The following PXDN variants were observed in gnomAD, a reference collection of about 807,000 sequenced individuals.
PXDN encodes peroxidasin.
PXDN carries 77 observed loss-of-function variants against 140.3 expected under a neutral mutation model. That is an observed-to-expected ratio of 0.55 (90% confidence interval 0.46 to 0.66). The LOEUF is 0.66. Ranked by LOEUF, PXDN falls within the 30% of genes least tolerant of loss-of-function variation. The probability of loss-of-function intolerance (pLI) is 0.00; values close to 1 mark genes in which losing one functional copy is unlikely to be tolerated. For synonymous variants in PXDN, 911 were observed against 857.4 expected, an observed-to-expected ratio of 1.06 and a Z score of -1.09; for missense variants, 1,838 against 2,039.5, an observed-to-expected ratio of 0.90 and a Z score of 1.90.
At chr2:1,720,916 C>G (rs1685035308) in intron 1 of PXDN, among the ~76,000 whole-genome samples, 1 of 152,112 alleles carries the variant, frequency 6.6e-6, no homozygotes, top group Non-Finnish European at 1.5e-5. Context: ...ACTGATGCTA[C>G]AGCCCCGGGG....
At chr2:1,725,955 T>C (rs1008071001) in intron 1 of PXDN, among the ~76,000 whole-genome samples, 43 of 149,592 alleles carry the variant, frequency 2.9e-4, no homozygotes, top group African/African-American at 1.0e-3. Flanking sequence ...TGTGGAGAAA[T>C]AGGAACACTT....
At chr2:1,653,478 G>A (rs1683060102) in intron 16 of PXDN, 150 bp downstream of exon 16, 1 of 1,183,998 alleles carries the variant, frequency 8.4e-7, no homozygotes, top group Non-Finnish European at 1.2e-6. Flanking sequence ...GGCTCAAGAG[G>A]AATCACAGTT....
rs1683852321 is a variant in PXDN at position 1,680,070 on chromosome 2, GGTGTGTGTGTAAATGT to G, written c.730+107_730+122del. 7 of 1,238,238 alleles carry G rather than the reference GGTGTGTGTGTAAATGT, an allele frequency of 5.7e-6. No homozygotes were observed. In the South Asian group the frequency reaches 6.0e-5, roughly 11 times the overall value. The allele number at this position is 1,238,238 out of a possible 1,614,324, so 76.7% of individuals were successfully genotyped here. A position where few individuals can be genotyped will look rare whatever the true frequency, so the allele number is the denominator to read the frequency against. ...TGTGTCTGCGCGTGTGTCTATAAAT[GGTGTGTGTGTAAATGT>G]GTGTGTGTGGTGTGTGGATGTTGTG... On this transcript the variant is annotated intron_variant, in intron 7 of 22. Transcript: ENST00000252804.
At chr2:1,724,597 G>A (rs1421017818) in intron 1 of PXDN, among the ~76,000 whole-genome samples, 1 of 152,066 alleles carries the variant, frequency 6.6e-6, no homozygotes, top group Non-Finnish European at 1.5e-5. Flanking sequence ...TCAACAGACT[G>A]CTCTCCTACA....
rs1333892449 is a variant in PXDN, at chr2:1,714,020, T to C, written c.201-20886A>G. Among the ~76,000 whole-genome samples, 2 of 152,200 alleles carry C rather than the reference T, an allele frequency of 1.3e-5. No homozygotes were observed. The highest frequency in any genetic ancestry group is 2.1e-4 in the South Asian group (1 of 4,834). On this transcript the variant is annotated intron_variant, in intron 1 of 22. Transcript: ENST00000252804. The surrounding 1 kb of genome is among the most constrained non-coding windows in gnomAD (Gnocchi z 4.3). ...TGAAGTTTCATGTCACCCTGAAACA[T>C]GGCCCAGCCTGGGCAACCTACGATA... is the stretch of plus-strand genomic sequence containing the variant.
chr2:1,686,792 C>A (rs919993229), intron 4 of PXDN, among the ~76,000 whole-genome samples: 2 of 152,326 alleles, frequency 1.3e-5, no homozygotes, highest in East Asian at 3.9e-4. Flanking sequence ...CCCCCTGCAC[C>A]GCTTGGCCTC....
At chr2:1,655,937 A>G (rs1374534378) in intron 14 of PXDN, among the ~76,000 whole-genome samples, 1 of 148,826 alleles carries the variant, frequency 6.7e-6, no homozygotes, top group Non-Finnish European at 1.5e-5. Flanking sequence ...TACACACCAC[A>G]CAAATACAAC....
rs1553371240 is a variant in PXDN, at chr2:1,731,152, G to GCGCACACA, written c.200+13103_200+13104insTGTGTGCG. On this transcript the variant is annotated intron_variant, in intron 1 of 22. Transcript: ENST00000252804. The stretch of plus-strand genomic sequence containing the variant: ...ACAGAACACTGTTGAGAGCGCGCGC[G>GCGCACACA]CACACACACACACACACACACACAC... Among the ~76,000 whole-genome samples, 260 of 136,048 alleles carry GCGCACACA rather than the reference G, an allele frequency of 1.9e-3. 2 individuals carry two copies. Among genetic ancestry groups the GCGCACACA allele is most frequent in the African/African-American group, 6.9e-3 (252 of 36,260 alleles). The allele number at this position is 136,048 out of a possible 152,430, so 89.3% of individuals were successfully genotyped here. A position where few individuals can be genotyped will look rare whatever the true frequency, so the allele number is the denominator to read the frequency against.
At position 1,638,990 on chromosome 2, in the gene PXDN, G is replaced by C. The variant is rs1682645165; in HGVS notation, c.4074-12C>G. ...CCTGTCTCCCAACACTGTGGTGAGG[G>C]GAAAGGAGGAGGAGGGAAATATAAC... On this transcript the variant is annotated splice_polypyrimidine_tract_variant and intron_variant, in intron 20 of 22. Transcript: ENST00000252804. 6.2e-7 allele frequency: 1 copy of C among 1,613,214 alleles called. No homozygotes were observed. Among genetic ancestry groups the C allele is most frequent in the Non-Finnish European group, 8.5e-7 (1 of 1,179,328 alleles).
chr2:1,681,155 AG>A (rs940199592), intron 6 of PXDN, among the ~76,000 whole-genome samples: 10 of 151,952 alleles, frequency 6.6e-5, no homozygotes, highest in African/African-American at 2.2e-4. Context: ...GTGCACTGGG[AG>A]GGGTGCACAC....
chr2:1,730,395 C>T (rs967331077), intron 1 of PXDN, among the ~76,000 whole-genome samples: 1 of 152,188 alleles, frequency 6.6e-6, no homozygotes, highest in Non-Finnish European at 1.5e-5. Flanking sequence ...AACTCCACAC[C>T]TACAAGAGGT....
chr2:1,643,656 C>T, intron 18 of PXDN, 80 bp from the exon 19 acceptor site: 3 of 1,466,630 alleles, frequency 2.0e-6, no homozygotes, highest in Non-Finnish European at 2.8e-6. Flanking sequence ...AAAATCTCCC[C>T]TGCTTAGTTC....
chr2:1,634,217 T>C lies in PXDN; in HGVS notation c.4427A>G (p.Glu1476Gly). Residue 1476 changes from glutamate (E) to glycine (G), a missense_variant, in exon 23 of 23, where the codon GAG becomes GGG. Transcript: ENST00000252804. ...CCTCCCAGGAGCCTAGGGCTTTTCC[T>C]CCGCCCTCTTCTGTAAGCAGACTGG... is the stretch of plus-strand genomic sequence containing the variant. The part of the protein sequence containing the change: ...CCPVCLQKRA[E>G]EKP The C allele has an allele frequency of 6.3e-7, 1 of 1,589,318 alleles. No individual in the cohort carries two copies. Among genetic ancestry groups the C allele is most frequent in the Non-Finnish European group, 8.6e-7 (1 of 1,167,610 alleles).
Position 1,649,796 on chromosome 2 carries a change from T to G in PXDN, c.2105-121A>C. On this transcript the variant is annotated intron_variant, in intron 16 of 22. Coordinates refer to ENST00000252804, the MANE Select transcript of PXDN (RefSeq NM_012293.3). The surrounding 1 kb of genome is among the most constrained non-coding windows in gnomAD (Gnocchi z 7.1). Reference sequence around the variant, plus strand: ...TCTACCCCCAGCTCATGAAACCTGTTGTGCGCCATGCAACAAGCGCTTCCT... The same window carrying G: ...TCTACCCCCAGCTCATGAAACCTGTGGTGCGCCATGCAACAAGCGCTTCCT... The G allele has an allele frequency of 8.6e-7, 1 of 1,163,634 alleles. No individual in the cohort carries two copies. 72.1% of individuals were successfully genotyped at this position (1,163,634 alleles called of 1,614,324 possible). A position where few individuals can be genotyped will look rare whatever the true frequency, so the allele number is the denominator to read the frequency against.
At chr2:1,704,539 G>A in intron 1 of PXDN, among the ~76,000 whole-genome samples, 1 of 107,300 alleles carries the variant, frequency 9.3e-6, no homozygotes, top group Admixed American at 1.0e-4. Context: ...TCCAGGTGAA[G>A]GGGGGCAACT....
Position 1,657,027 on chromosome 2 carries a change from C to G in PXDN, c.1838-2519G>C, listed in dbSNP as rs560515355. 2.0e-5 allele frequency among the ~76,000 whole-genome samples: 3 copies of G among 149,882 alleles called. No individual in the cohort carries two copies. The South Asian group carries it at 6.5e-4, about 32-fold the overall frequency. ...GCCCTCTCCTGACTAAAACCTACCCCCTGCTGACAGGGACTGACCTTGCCC... is the reference window on the plus strand; with the variant it reads ...GCCCTCTCCTGACTAAAACCTACCCGCTGCTGACAGGGACTGACCTTGCCC... On this transcript the variant is annotated intron_variant, in intron 14 of 22. Coordinates refer to ENST00000252804, the MANE Select transcript of PXDN (RefSeq NM_012293.3).
At chr2:1,741,115 G>A (rs1481970832) in intron 1 of PXDN, among the ~76,000 whole-genome samples, 3 of 152,178 alleles carry the variant, frequency 2.0e-5, no homozygotes, top group East Asian at 1.9e-4. Flanking sequence ...GGAGGAGGGC[G>A]TGGAGGGCCT....
chr2:1,668,034 C>G (rs554517623), intron 9 of PXDN, among the ~76,000 whole-genome samples: 1 of 152,310 alleles, frequency 6.6e-6, no homozygotes, highest in Admixed American at 6.5e-5. Flanking sequence ...AGGCATCACA[C>G]TACCTAACTT....
rs868236942 is a variant in PXDN at position 1,693,068 on chromosome 2, G to A, written c.267C>T (p.Asn89=). Residue 89 remains asparagine (N), a synonymous_variant, in exon 2 of 23, where the codon AAC becomes AAT. Coordinates refer to ENST00000252804, the MANE Select transcript of PXDN (RefSeq NM_012293.3). ...AATAGAATATTTCCACTCACAATGT[G>A]TTCAAGTTCCTCAGCCGCCTGAATG... The part of the protein sequence containing the change: ...PGAFRRLRNL[N]TLLLNNNQIK... The A allele has an allele frequency of 6.5e-7, 1 of 1,547,794 alleles. No individual in the cohort carries two copies. The highest frequency in any genetic ancestry group is 8.8e-7 in the Non-Finnish European group (1 of 1,140,706).
Sources: gnomAD v4.1 joint callset for allele counts (sites outside exome capture counted in the v4.1 genomes callset) on GRCh38, gnomAD v4.1.1 for gene constraint, Gnocchi (gnomAD v3.1) non-coding constraint, MANE v1.5 for transcripts, NCBI Gene and HGNC (gene_info 2026-07-23, HGNC 2026-07-21) for gene names.